Variants in MGAT4C observed in about 807,000 individuals in gnomAD.
The protein encoded by MGAT4C is MGAT4 family member C.
A neutral mutation model predicts 40.1 loss-of-function variants in MGAT4C; 19 were observed. That is an observed-to-expected ratio of 0.47 (90% CI 0.33 to 0.70). MGAT4C has a LOEUF of 0.70. Among genes scored for constraint, MGAT4C ranks in the 30% least tolerant of loss-of-function variants. The pLI is 0.02. For missense variants in MGAT4C, 491 were observed against 563.2 expected (o/e 0.87, Z 1.30); for synonymous variants, 181 against 187.1 (o/e 0.97, Z 0.27).
intron 3 of MGAT4C, among the ~76,000 whole-genome samples, chr12:86,413,428 T>A (rs1956645023): frequency 6.6e-6 from 1 of 152,290 alleles, no homozygotes; most frequent in Non-Finnish European, 1.5e-5. Context: ...CAGGAGAGTA[T>A]ACAGAGCTAG....
intron 2 of MGAT4C, among the ~76,000 whole-genome samples, chr12:86,503,736 C>CATATATATATATATGAGTTCTGCTCAT (rs1958413330): frequency 3.1e-5 from 2 of 63,738 alleles, no homozygotes; most frequent in Non-Finnish European, 3.1e-5. Flanking sequence ...GAGTTCTGCT[C>CATATATATATATATGAGTTCTGCTCAT]ATATATATAT....
At chr12:86,698,090 A>AT (rs141624817) in intron 2 of MGAT4C, among the ~76,000 whole-genome samples, 12,548 of 152,116 alleles carry the variant, frequency 0.082, 542 homozygotes, top group African/African-American at 0.11. Flanking sequence ...TTGTTATATC[A>AT]TTTTTTGAGT....
intron 1 of MGAT4C, among the ~76,000 whole-genome samples, chr12:86,199,420 G>T (rs1593213465): frequency 6.6e-6 from 1 of 152,018 alleles, no homozygotes; most frequent in African/African-American, 2.4e-5. Context: ...TGCATATTCT[G>T]ATTTCAGTGC....
Position 86,391,630 on chromosome 12 carries a change from G to A in MGAT4C, c.-120+43527C>T, listed in dbSNP as rs754347217. On this transcript the variant is annotated intron_variant, in intron 3 of 7. Coordinates refer to the MGAT4C transcript ENST00000548651. ...TCCCACTACTTTGGGAGGCTGAGGC[G>A]GGCGGATAACCAGGTCAGGAGATCG... 1.1e-4 allele frequency among the ~76,000 whole-genome samples: 17 copies of A among 152,066 alleles called. 1 individual carries two copies. Among genetic ancestry groups the A allele is most frequent in the African/African-American group, 2.7e-4 (11 of 41,470 alleles).
intron 1 of MGAT4C, among the ~76,000 whole-genome samples, chr12:86,192,664 G>A (rs769546481): frequency 1.7e-4 from 26 of 152,112 alleles, no homozygotes; most frequent in Admixed American, 6.6e-5. Flanking sequence ...AGAAATTTGA[G>A]GAATGTGTTT....
At chr12:86,461,481 A>T (rs1032080566) in intron 2 of MGAT4C, among the ~76,000 whole-genome samples, 10 of 151,970 alleles carry the variant, frequency 6.6e-5, no homozygotes, top group Non-Finnish European at 1.3e-4. Flanking sequence ...TCCTGACCTC[A>T]TGATCCACCC....
At chr12:86,435,257 CTCCAGT>C (rs1437407370) in exon 3 of MGAT4C, 2 of 151,898 alleles carry the variant, frequency 1.3e-5, no homozygotes, top group Non-Finnish European at 2.9e-5. Flanking sequence ...TCTGGCTGAT[CTCCAGT>C]TCCTGCACAA....
chr12:86,572,861 C>A, intron 2 of MGAT4C, among the ~76,000 whole-genome samples: 1 of 152,006 alleles, frequency 6.6e-6, no homozygotes, highest in East Asian at 1.9e-4. Context: ...CTGCCCTTCT[C>A]TCTTTTCTTC....
At chr12:86,147,304 C>T (rs945550271) in intron 1 of MGAT4C, among the ~76,000 whole-genome samples, 9 of 151,910 alleles carry the variant, frequency 5.9e-5, no homozygotes, top group African/African-American at 2.2e-4. Flanking sequence ...TGCAGTGCCG[C>T]GATCTCAGCT....
chr12:86,476,644 G>C (rs1957839297), intron 2 of MGAT4C, among the ~76,000 whole-genome samples: 1 of 152,046 alleles, frequency 6.6e-6, no homozygotes, highest in East Asian at 1.9e-4. Context: ...TAATTGCAGA[G>C]CTATTCACAA....
At chr12:86,194,362 TTAGAAAGG>T (rs1331888778) in intron 1 of MGAT4C, among the ~76,000 whole-genome samples, 18 of 152,180 alleles carry the variant, frequency 1.2e-4, no homozygotes, top group Non-Finnish European at 1.5e-5. Context: ...GTATGAAAAG[TTAGAAAGG>T]TAATCTGAGA....
At chr12:86,200,637 G>A (rs1022922095) in intron 1 of MGAT4C, among the ~76,000 whole-genome samples, 19 of 151,904 alleles carry the variant, frequency 1.3e-4, no homozygotes, top group East Asian at 1.9e-4. Context: ...ATGTTCTTAC[G>A]GGACATTTGT....
chr12:86,442,941 G>A (rs1376631814), intron 2 of MGAT4C, among the ~76,000 whole-genome samples: 2 of 152,030 alleles, frequency 1.3e-5, no homozygotes, highest in African/African-American at 2.4e-5. Context: ...CTTGTTAGAG[G>A]CTCAGATAAT....
chr12:86,764,992 A>G (rs1309992427), intron 1 of MGAT4C, among the ~76,000 whole-genome samples: 1 of 152,160 alleles, frequency 6.6e-6, no homozygotes, highest in Non-Finnish European at 1.5e-5. Context: ...GTTCCTCACC[A>G]GCAATGGAAC....
At chr12:86,809,463 G>A (rs969105302) in intron 1 of MGAT4C, among the ~76,000 whole-genome samples, 4 of 151,844 alleles carry the variant, frequency 2.6e-5, no homozygotes, top group Admixed American at 2.0e-4. Context: ...TGACAAATTG[G>A]TTCCCAGAGT....
chr12:86,360,266 C>T (rs1440441991), intron 3 of MGAT4C, among the ~76,000 whole-genome samples: 2 of 152,108 alleles, frequency 1.3e-5, no homozygotes, highest in African/African-American at 2.4e-5. Flanking sequence ...GCAGAAAAGG[C>T]CTTTGACAAA....
rs1883758510 is a variant in MGAT4C, at chr12:85,973,817, C to T, written c.*5472G>A. On this transcript the variant is annotated 3_prime_UTR_variant, in exon 5 of 5. Coordinates refer to ENST00000611864, the MANE Select transcript of MGAT4C (RefSeq NM_001351288.2). ...CAGTCAAATCAAAAACTGCTTTGGT[C>T]TCAAATCCATGTTTTTCAGAAAAGA... The T allele has an allele frequency of 6.6e-6, 1 of 150,812 alleles. No homozygotes were observed. Among genetic ancestry groups the T allele is most frequent in the African/African-American group, 2.4e-5 (1 of 41,286 alleles). 9.3% of individuals were successfully genotyped at this position (150,812 alleles called of 1,614,324 possible).
At position 85,961,452 on chromosome 12, in the gene MGAT4C, G is replaced by A. The variant is rs995854256; in HGVS notation, c.*17837C>T. ...ATAATATTGAGATTTTACAATTTAG[G>A]TTATAATCAAGATAATTATGTATAT... On this transcript the variant is annotated 3_prime_UTR_variant, in exon 5 of 5. Transcript: ENST00000611864. 2 of 151,604 alleles carry A rather than the reference G, an allele frequency of 1.3e-5. No individual in the cohort carries two copies. The highest frequency in any genetic ancestry group is 1.5e-5 in the Non-Finnish European group (1 of 67,724). 9.4% of individuals were successfully genotyped at this position (151,604 alleles called of 1,614,324 possible).
chr12:86,007,478 G>C (rs1888008489), intron 2 of MGAT4C, among the ~76,000 whole-genome samples: 1 of 152,104 alleles, frequency 6.6e-6, no homozygotes. Flanking sequence ...TTTACCAAAA[G>C]GTCTAATGGG....
Sources: gnomAD v4.1 joint callset for allele counts (sites outside exome capture counted in the v4.1 genomes callset) on GRCh38, gnomAD v4.1.1 for gene constraint, MANE v1.5 for transcripts, NCBI Gene and HGNC (gene_info 2026-07-23, HGNC 2026-07-21) for gene names.